Variants in DMXL1 observed in about 807,000 individuals in gnomAD.
DMXL1 encodes Dmx like 1.
Under a neutral mutation model 319.2 loss-of-function variants are expected in DMXL1, and 99 were observed. The observed-to-expected ratio is 0.31, with a 90% CI of 0.26 to 0.37. The LOEUF (loss-of-function observed/expected upper bound fraction) is 0.37. Ranked by LOEUF, DMXL1 falls within the 10% of genes least tolerant of loss-of-function variation. DMXL1 has a pLI of 1.00. For synonymous variants in DMXL1, 1,385 were observed against 1,235.2 expected (o/e 1.12, Z -2.54); for missense variants, 3,745 against 3,595.6 (o/e 1.04, Z -1.06).
At chr5:119,223,509 A>G (rs1322340036) in intron 37 of DMXL1, among the ~76,000 whole-genome samples, 1 of 152,208 alleles carries the variant, frequency 6.6e-6, no homozygotes, top group Non-Finnish European at 1.5e-5. Context: ...ATTGTAATAC[A>G]GAAATCTACC....
Position 119,175,253 on chromosome 5 carries a change from T to C in DMXL1, c.6682-8T>C. 2 of 1,604,128 alleles carry C rather than the reference T, an allele frequency of 1.2e-6. No individual in the cohort carries two copies. Among genetic ancestry groups the C allele is most frequent in the Non-Finnish European group, 1.7e-6 (2 of 1,176,220 alleles). ...TATACTTAAAGTAATTTTGTTTTTG[T>C]TTTCCAGGTGTATGTAATGCATACT... On this transcript the variant is annotated splice_polypyrimidine_tract_variant and splice_region_variant and intron_variant, in intron 25 of 43. Transcript: ENST00000539542.
chr5:119,196,544 T>G, intron 31 of DMXL1, 88 bp downstream of exon 31: 1 of 888,508 alleles, frequency 1.1e-6, no homozygotes, highest in Non-Finnish European at 1.8e-6. Flanking sequence ...TGGTCTGGAC[T>G]GGGGGGAAAA....
chr5:119,235,193 C>A (rs1787518735), intron 39 of DMXL1, among the ~76,000 whole-genome samples: 1 of 151,970 alleles, frequency 6.6e-6, no homozygotes, highest in African/African-American at 2.4e-5. Context: ...TGCCAAAAGC[C>A]AGTGAATATT....
chr5:119,220,568 G>A lies in DMXL1; in HGVS notation c.8110G>A (p.Asp2704Asn), dbSNP rs1482190652. ...CACACAGGTCTACACTTGGGTAGAT[G>A]ATGATATAGAAGTGGAAACCAAAGG... ...LATQVYTWVD[D>N]DIEVETKGSE... The change falls in exon 36 of 44, where the codon GAT becomes AAT. Residue 2704 changes from aspartate to asparagine, a missense_variant. Transcript: ENST00000539542. 6.2e-7 allele frequency: 1 copy of A among 1,613,740 alleles called. No individual in the cohort carries two copies. Among genetic ancestry groups the A allele is most frequent in the Admixed American group, 1.7e-5 (1 of 59,996 alleles).
chr5:119,179,560 T>C (rs976853350), intron 28 of DMXL1, among the ~76,000 whole-genome samples: 31 of 152,288 alleles, frequency 2.0e-4, no homozygotes, highest in African/African-American at 7.5e-4. Flanking sequence ...TTTACCATGA[T>C]TGATGAATAT....
intron 4 of DMXL1, among the ~76,000 whole-genome samples, chr5:119,109,657 T>G (rs1287154749): frequency 6.6e-6 from 1 of 152,252 alleles, no homozygotes; most frequent in East Asian, 1.9e-4. Flanking sequence ...TTAGGTTTCC[T>G]TTCTGAAATG....
intron 9 of DMXL1, among the ~76,000 whole-genome samples, chr5:119,122,314 T>C (rs1341491427): frequency 2.2e-5 from 3 of 138,978 alleles, no homozygotes; most frequent in East Asian, 4.5e-4. Flanking sequence ...GGCGGGGGGC[T>C]GACCCCCCCA....
intron 38 of DMXL1, among the ~76,000 whole-genome samples, chr5:119,225,716 AT>A (rs753122714): frequency 1.3e-5 from 2 of 152,156 alleles, no homozygotes; most frequent in Non-Finnish European, 2.9e-5. Flanking sequence ...AGAACCGTAT[AT>A]GTAAAATGAA....
intron 28 of DMXL1, among the ~76,000 whole-genome samples, chr5:119,184,584 A>G (rs950357439): frequency 6.6e-6 from 1 of 152,186 alleles, no homozygotes; most frequent in African/African-American, 2.4e-5. Flanking sequence ...CATGTGGTGA[A>G]ACAAATCTCT....
chr5:119,151,738 A>G (rs958769001), intron 18 of DMXL1, among the ~76,000 whole-genome samples, 191 bp from the exon 19 acceptor site: 1 of 152,190 alleles, frequency 6.6e-6, no homozygotes, highest in Admixed American at 6.5e-5. Flanking sequence ...TATTCTCTTT[A>G]TTATTTTTCC....
intron 1 of DMXL1, among the ~76,000 whole-genome samples, chr5:119,084,650 G>A (rs1752936764): frequency 6.6e-6 from 1 of 151,946 alleles, no homozygotes; most frequent in Non-Finnish European, 1.5e-5. Context: ...GATCATCTGA[G>A]GCTGTGAGTT....
rs1450885256 is a variant in DMXL1, at chr5:119,105,212, A to G, written c.318A>G (p.Gln106=). 8 of 1,613,174 alleles carry G rather than the reference A, an allele frequency of 5.0e-6. No individual in the cohort carries two copies. The highest frequency in any genetic ancestry group is 2.2e-5 in the South Asian group (2 of 91,052). The change falls in exon 4 of 44, where the codon CAA becomes CAG. Residue 106 remains glutamine (Q), a synonymous_variant. Coordinates refer to ENST00000539542, the MANE Select transcript of DMXL1 (RefSeq NM_001290321.3). ...ELYSQWQKSG[Q]FFLESIAHNI... ...ATAGTCAGTGGCAGAAAAGTGGCCAATTTTTTCTGGAATCAATAGCACACA... is the reference window on the plus strand; with the variant it reads ...ATAGTCAGTGGCAGAAAAGTGGCCAGTTTTTTCTGGAATCAATAGCACACA...
chr5:119,160,953 G>C (rs116926912), intron 19 of DMXL1, among the ~76,000 whole-genome samples: 6 of 152,040 alleles, frequency 3.9e-5, no homozygotes, highest in Middle Eastern at 3.4e-3. Context: ...CCAAATATTC[G>C]TCAGTCATTT....
chr5:119,100,754 T>A (rs1757067868), intron 2 of DMXL1: 1 of 147,200 alleles, frequency 6.8e-6, no homozygotes, highest in Admixed American at 6.8e-5. Flanking sequence ...CCTCTTTTAA[T>A]CTTTACATCT....
chr5:119,095,819 G>A (rs528770366), intron 1 of DMXL1, among the ~76,000 whole-genome samples: 3 of 152,300 alleles, frequency 2.0e-5, no homozygotes, highest in African/African-American at 7.2e-5. Flanking sequence ...ATTTATATAG[G>A]AGAGGAGATC....
At chr5:119,125,792 C>T (rs1324880127) in intron 9 of DMXL1, among the ~76,000 whole-genome samples, 1 of 152,084 alleles carries the variant, frequency 6.6e-6, no homozygotes, top group Non-Finnish European at 1.5e-5. Context: ...TCTCAATCTC[C>T]TGACCTCGTG....
Position 119,166,700 on chromosome 5 carries a change from T to C in DMXL1, c.5055T>C (p.Ala1685=). 1 of 1,613,296 alleles carries C rather than the reference T, an allele frequency of 6.2e-7. No homozygotes were observed. Among genetic ancestry groups the C allele is most frequent in the Non-Finnish European group, 8.5e-7 (1 of 1,179,616 alleles). ...GGCGTAAAGCAGCTTTAAAGAATGCTTTTTCTTTGCTAGGCAAACAAAGAT... is the reference window on the plus strand; with the variant it reads ...GGCGTAAAGCAGCTTTAAAGAATGCCTTTTCTTTGCTAGGCAAACAAAGAT... ...ERWRKAALKN[A]FSLLGKQRFE... The change falls in exon 22 of 44, where the codon GCT becomes GCC. Residue 1685 remains alanine, a synonymous_variant. Coordinates refer to ENST00000539542, the MANE Select transcript of DMXL1 (RefSeq NM_001290321.3).
chr5:119,210,079 A>G (rs1782477039), intron 34 of DMXL1, among the ~76,000 whole-genome samples: 1 of 151,896 alleles, frequency 6.6e-6, no homozygotes, highest in African/African-American at 2.4e-5. Flanking sequence ...AGCGATTCTC[A>G]TACCTCAGGT....
At chr5:119,163,066 C>G (rs1772610206) in intron 19 of DMXL1, among the ~76,000 whole-genome samples, 1 of 152,102 alleles carries the variant, frequency 6.6e-6, no homozygotes. Context: ...GTGTAGGCCA[C>G]TGGGTTGAGA....
Sources: allele counts gnomAD v4.1 joint callset (sites outside exome capture counted in the v4.1 genomes callset), GRCh38; gene constraint gnomAD v4.1.1; transcripts MANE v1.5; gene names NCBI Gene and HGNC (gene_info 2026-07-23, HGNC 2026-07-21).